The following BCKDHB variants were observed in gnomAD, a reference collection of about 807,000 sequenced individuals.
BCKDHB encodes the protein branched chain keto acid dehydrogenase E1 subunit beta.
Under a neutral mutation model 48.5 loss-of-function variants are expected in BCKDHB, and 41 were observed. The ratio of observed to expected loss-of-function variants is 0.85; its 90% confidence interval spans 0.66 to 1.10. The LOEUF (loss-of-function observed/expected upper bound fraction) is 1.10. BCKDHB is among the 50% of genes least tolerant of loss of function. The pLI is 0.00. For synonymous variants in BCKDHB, 201 were observed against 174.8 expected, an observed-to-expected ratio of 1.15 and a Z score of -1.18; for missense variants, 496 against 494.2, an observed-to-expected ratio of 1.00 and a Z score of -0.03.
chr6:80,462,040 C>G, the BCKDHB span, among the ~76,000 whole-genome samples: 1 of 151,552 alleles, frequency 6.6e-6, no homozygotes, highest in Non-Finnish European at 1.5e-5. Context: ...TTTCATGTTC[C>G]TATCCATAAA....
intron 9 of BCKDHB, among the ~76,000 whole-genome samples, chr6:80,277,173 C>CTATAGAG (rs892757363): frequency 1.3e-5 from 2 of 152,024 alleles, no homozygotes; most frequent in African/African-American, 4.8e-5. Context: ...AGTGCAATGA[C>CTATAGAG]TATAGAGTTT....
In BCKDHB at chr6:80,311,951, T is replaced by A. The variant is rs1582550848; in HGVS notation, c.1039-31713T>A. On this transcript the variant is annotated intron_variant, in intron 9 of 9. Coordinates refer to ENST00000320393, the MANE Select transcript of BCKDHB (RefSeq NM_183050.4). Reference sequence around the variant, plus strand: ...ATATGAATTTCAAAATAGTATTTTCTAATTCTGTGAAGATTGTCAATAGTA... The same window carrying A: ...ATATGAATTTCAAAATAGTATTTTCAAATTCTGTGAAGATTGTCAATAGTA... Among the ~76,000 whole-genome samples the A allele has an allele frequency of 2.0e-5, 3 of 152,368 alleles. No individual in the cohort carries two copies. In the East Asian group the frequency reaches 5.8e-4, roughly 29 times the overall value.
chr6:80,375,155 T>G, the BCKDHB span, among the ~76,000 whole-genome samples: 8,012 of 152,252 alleles, frequency 0.053, 584 homozygotes, highest in African/African-American at 0.16. Context: ...ATGATGAATT[T>G]CCCAGGTGTT....
intron 6 of BCKDHB, among the ~76,000 whole-genome samples, chr6:80,179,666 A>G (rs1191304098): frequency 1.3e-5 from 2 of 152,194 alleles, no homozygotes; most frequent in African/African-American, 4.8e-5. Flanking sequence ...GTACATCCCT[A>G]TGTAGTATAT....
intron 9 of BCKDHB, among the ~76,000 whole-genome samples, chr6:80,320,226 G>A (rs1768648767): frequency 6.6e-6 from 1 of 152,132 alleles, no homozygotes; most frequent in African/African-American, 2.4e-5. Flanking sequence ...GCTTTATAAT[G>A]TACATAGACA....
intron 9 of BCKDHB, among the ~76,000 whole-genome samples, chr6:80,332,904 TC>T (rs1769388360): frequency 2.2e-5 from 3 of 139,166 alleles, no homozygotes; most frequent in Middle Eastern, 3.6e-3. Flanking sequence ...TACTTGCTCA[TC>T]TTCCCAGCAA....
chr6:80,444,195 C>T, the BCKDHB span, among the ~76,000 whole-genome samples: 1 of 151,866 alleles, frequency 6.6e-6, no homozygotes, highest in Non-Finnish European at 1.5e-5. Flanking sequence ...TGTGAAGAAA[C>T]TTGTATGCCA....
chr6:80,441,652 T>A, the BCKDHB span, among the ~76,000 whole-genome samples: 9 of 152,210 alleles, frequency 5.9e-5, no homozygotes, highest in Admixed American at 2.0e-4. Flanking sequence ...TTTTTTGCAG[T>A]GTTTACCTAT....
intron 8 of BCKDHB, among the ~76,000 whole-genome samples, chr6:80,259,440 A>G (rs1380654639): frequency 6.6e-6 from 1 of 152,178 alleles, no homozygotes; most frequent in African/African-American, 2.4e-5. Context: ...ACCCTCATGG[A>G]GGTTTCCTGG....
intron 1 of BCKDHB, among the ~76,000 whole-genome samples, chr6:80,122,864 T>C (rs1212634018): frequency 6.6e-6 from 1 of 152,020 alleles, no homozygotes; most frequent in South Asian, 2.1e-4. Context: ...TTCCCCACCC[T>C]AATAAGCCTG....
intron 9 of BCKDHB, among the ~76,000 whole-genome samples, chr6:80,295,631 A>T (rs1240258182): frequency 6.6e-6 from 1 of 152,148 alleles, no homozygotes; most frequent in Non-Finnish European, 1.5e-5. Context: ...AGAAAAAAAA[A>T]AAAAAAAGAT....
chr6:80,405,767 G>C, the BCKDHB span, among the ~76,000 whole-genome samples: 2 of 151,974 alleles, frequency 1.3e-5, no homozygotes, highest in Non-Finnish European at 2.9e-5. Flanking sequence ...CTTATTTTAG[G>C]TTGATAACAA....
chr6:80,204,620 A>G (rs948032946), intron 8 of BCKDHB, among the ~76,000 whole-genome samples: 6 of 152,060 alleles, frequency 3.9e-5, no homozygotes, highest in Non-Finnish European at 7.4e-5. Context: ...GAGGGCATTC[A>G]CATATGGTCA....
intron 8 of BCKDHB, among the ~76,000 whole-genome samples, chr6:80,207,097 C>T (rs1582356481): frequency 6.6e-6 from 1 of 151,876 alleles, no homozygotes; most frequent in South Asian, 2.1e-4. Context: ...AAGGGAGCTC[C>T]CTTTGGCAGA....
the BCKDHB span, among the ~76,000 whole-genome samples, chr6:80,390,850 A>G: frequency 5.3e-5 from 8 of 152,178 alleles, no homozygotes; most frequent in Non-Finnish European, 1.0e-4. Flanking sequence ...GTGTTGCCAA[A>G]GGAGATTAAC....
chr6:80,351,072 ATAT>A (rs1356051388), downstream of BCKDHB, among the ~76,000 whole-genome samples: 2 of 152,180 alleles, frequency 1.3e-5, no homozygotes, highest in Non-Finnish European at 2.9e-5. Context: ...ATTTAAAATG[ATAT>A]TATGTACATT....
the BCKDHB span, among the ~76,000 whole-genome samples, chr6:80,353,135 A>G: frequency 3.3e-5 from 5 of 152,010 alleles, no homozygotes; most frequent in African/African-American, 9.7e-5. Flanking sequence ...TTTAGCACCT[A>G]CTTATGAGTG....
the BCKDHB span, among the ~76,000 whole-genome samples, chr6:80,357,939 A>G: frequency 6.6e-6 from 1 of 152,194 alleles, no homozygotes; most frequent in Non-Finnish European, 1.5e-5. Flanking sequence ...TAGATTCCTT[A>G]GAAAGTATTC....
At chr6:80,347,475 C>T (rs1310957684), downstream of BCKDHB, among the ~76,000 whole-genome samples, 7 of 152,118 alleles carry the variant, frequency 4.6e-5, no homozygotes, top group Non-Finnish European at 8.8e-5. Context: ...AGGACATGTG[C>T]GGTGGTCTGC....
Sources: allele counts gnomAD v4.1 joint callset (sites outside exome capture counted in the v4.1 genomes callset), GRCh38; gene constraint gnomAD v4.1.1; transcripts MANE v1.5; gene names NCBI Gene and HGNC (gene_info 2026-07-23, HGNC 2026-07-21).